ZNF780B: variants seen among roughly 807,000 people sequenced by gnomAD.
ZNF780B encodes zinc finger protein 780B.
A neutral mutation model predicts 74.1 loss-of-function variants in ZNF780B; 52 were observed. That is an observed-to-expected ratio of 0.70 (90% CI 0.56 to 0.88). The LOEUF is 0.88. ZNF780B is among the 40% of genes least tolerant of loss of function. The pLI is 0.00. For missense variants in ZNF780B, 953 were observed against 1,007.6 expected (o/e 0.95, Z 0.73); for synonymous variants, 315 against 324.3 (o/e 0.97, Z 0.31).
Position 40,032,001 on chromosome 19 carries a change from T to C in ZNF780B, c.*2356A>G. The C allele has an allele frequency of 2.2e-6, 1 of 447,750 alleles. No individual in the cohort carries two copies. Among genetic ancestry groups the C allele is most frequent in the Non-Finnish European group, 4.5e-6 (1 of 224,608 alleles). The allele number at this position is 447,750 out of a possible 1,614,324, so 27.7% of individuals were successfully genotyped here. A position where few individuals can be genotyped will look rare whatever the true frequency, so the allele number is the denominator to read the frequency against. The stretch of plus-strand genomic sequence containing the variant: ...TGACATAGAAATAACCTACAAAGTA[T>C]TCTTCCCCAAAACGTTTAATCTAGA... On this transcript the variant is annotated 3_prime_UTR_variant, in exon 5 of 5. Transcript: ENST00000434248.
chr19:40,040,009 C>T (rs1483269636), intron 4 of ZNF780B, among the ~76,000 whole-genome samples: 2 of 151,976 alleles, frequency 1.3e-5, no homozygotes, highest in South Asian at 4.2e-4. Flanking sequence ...GGGAATGCTT[C>T]CAGTTTTTGC....
At position 40,050,405 on chromosome 19, in the gene ZNF780B, C is replaced by G. The variant is rs532169837; in HGVS notation, c.-45-28G>C. The stretch of plus-strand genomic sequence containing the variant: ...GGAAAACAACAACAACAAAAAGGCC[C>G]TAAGTCAAGCTGTGTCCGAAAGCAC... On this transcript the variant is annotated intron_variant, in intron 1 of 4. Transcript: ENST00000434248. 58 of 1,544,434 alleles carry G rather than the reference C, an allele frequency of 3.8e-5. No homozygotes were observed. The African/African-American group carries it at 7.3e-4, about 20-fold the overall frequency.
Position 40,034,421 on chromosome 19 carries a change from T to C in ZNF780B, c.2438A>G (p.Asn813Ser). 4 of 1,614,036 alleles carry C rather than the reference T, an allele frequency of 2.5e-6. No homozygotes were observed. Among genetic ancestry groups the C allele is most frequent in the Non-Finnish European group, 3.4e-6 (4 of 1,179,934 alleles). Residue 813 changes from asparagine to serine, a missense_variant, in exon 5 of 5, where the codon AAT becomes AGT. Physicochemically the swap from Asn to Ser is conservative, Grantham distance 46. Transcript: ENST00000434248. ...ACTGATGTCTGAAGGCTGTCCCACA[T>C]TTCTTACATTCAAAGGGTTTCTCAC... is the stretch of plus-strand genomic sequence containing the variant. Reference protein sequence around the residue: ...VQVRNPLNVRNVGQPSDISSN... With the variant: ...VQVRNPLNVRSVGQPSDISSN...
At chr19:40,037,790 C>T (rs367606115) in intron 4 of ZNF780B, among the ~76,000 whole-genome samples, 5 of 152,190 alleles carry the variant, frequency 3.3e-5, no homozygotes, top group Non-Finnish European at 5.9e-5. Flanking sequence ...CATGATATAA[C>T]CTTTCTCTTA....
chr19:40,035,875 A>T lies in ZNF780B; in HGVS notation c.984T>A (p.Thr328=), dbSNP rs778933960. Reference sequence around the variant, plus strand: ...CTTTACATTCAAAGGGTTTCTCGCCAGTATGAATTCGGCAATGTTCAATGA... The same window carrying T: ...CTTTACATTCAAAGGGTTTCTCGCCTGTATGAATTCGGCAATGTTCAATGA... ...YQLIEHCRIH[T]GEKPFECKEC... is the part of the protein sequence containing the mutation. The change falls in exon 5 of 5, where the codon ACT becomes ACA. Residue 328 remains threonine, a synonymous_variant. Transcript: ENST00000434248. The T allele has an allele frequency of 3.1e-6, 5 of 1,613,750 alleles. No individual in the cohort carries two copies. The Admixed American group carries it at 8.3e-5, about 27-fold the overall frequency.
In ZNF780B at chr19:40,047,446, A is replaced by C. The variant is rs754799107; in HGVS notation, c.161T>G (p.Val54Gly). 1 of 1,613,068 alleles carries C rather than the reference A, an allele frequency of 6.2e-7. No homozygotes were observed. The highest frequency in any genetic ancestry group is 8.5e-7 in the Non-Finnish European group (1 of 1,179,444). The change falls in exon 4 of 5, where the codon GTG (valine) becomes GGG (glycine). Residue 54 changes from valine to glycine, a missense_variant. Val to Gly is a moderately radical substitution (Grantham distance 109). Coordinates refer to ENST00000434248, the MANE Select transcript of ZNF780B (RefSeq NM_001005851.3). ...SLGSSISKPD[V>G]ITLLEQEKEP... The stretch of plus-strand genomic sequence containing the variant: ...TTTCTCTTGCTCTAGTAATGTAATC[A>C]CATCTGGCTTAGAAATGGAACTTCC...
At chr19:40,042,327 C>T (rs1175251655) in intron 4 of ZNF780B, among the ~76,000 whole-genome samples, 1 of 152,254 alleles carries the variant, frequency 6.6e-6, no homozygotes, top group Non-Finnish European at 1.5e-5. Context: ...CTCTGGCTGC[C>T]CTTAACGTTT....
chr19:40,033,411 C>T lies in ZNF780B; in HGVS notation c.*946G>A, dbSNP rs1972081171. On this transcript the variant is annotated 3_prime_UTR_variant, in exon 5 of 5. Transcript: ENST00000434248. ...CAGTAAACTGTGAACATGGCAGCTA[C>T]TCTACATTCCTCACATCAGTAACTT... 1 of 154,770 alleles carries T rather than the reference C, an allele frequency of 6.5e-6. No homozygotes were observed. The highest frequency in any genetic ancestry group is 1.5e-5 in the Non-Finnish European group (1 of 68,240). 9.6% of individuals were successfully genotyped at this position (154,770 alleles called of 1,614,324 possible).
intron 4 of ZNF780B, among the ~76,000 whole-genome samples, chr19:40,037,877 C>CTTT (rs537508973): frequency 7.4e-6 from 1 of 135,274 alleles, no homozygotes; most frequent in African/African-American, 2.7e-5. Context: ...TCCAACTCCT[C>CTTT]TTTTTTTTTT....
rs553498158 is a variant in ZNF780B, at chr19:40,034,810, G to A, written c.2049C>T (p.Asn683=). ...ECGKGFSRVS[N]LIQHQKTHSS... ...AATGAGTTTTCTGATGCTGAATAAG[G>A]TTTGAAACACGACTAAAGCCTTTCC... The change falls in exon 5 of 5, where the codon AAC becomes AAT. Residue 683 remains asparagine, a synonymous_variant. Transcript: ENST00000434248. The A allele has an allele frequency of 6.2e-6, 10 of 1,611,748 alleles. No homozygotes were observed. The highest frequency in any genetic ancestry group is 1.7e-5 in the Admixed American group (1 of 59,772).
chr19:40,050,061 C>T lies in ZNF780B; in HGVS notation c.9+263G>A, dbSNP rs188792871. Among the ~76,000 whole-genome samples, 366 of 151,772 alleles carry T rather than the reference C, an allele frequency of 2.4e-3. 2 individuals are homozygous for T. Among genetic ancestry groups the T allele is most frequent in the African/African-American group, 8.5e-3 (353 of 41,364 alleles). On this transcript the variant is annotated intron_variant, in intron 2 of 4. Coordinates refer to ENST00000434248, the MANE Select transcript of ZNF780B (RefSeq NM_001005851.3). ...AAATACAAAAAATTAGCCAGGCGTGCTGGTGGGTGCCTGTAGTCCCAGCTA... is the reference window on the plus strand; with the variant it reads ...AAATACAAAAAATTAGCCAGGCGTGTTGGTGGGTGCCTGTAGTCCCAGCTA...
At chr19:40,055,202 G>T (rs915240911) in intron 1 of ZNF780B, among the ~76,000 whole-genome samples, 2 of 147,930 alleles carry the variant, frequency 1.4e-5, no homozygotes, top group East Asian at 4.3e-4. Flanking sequence ...GAGCGTACAG[G>T]AAGGTGTGAA....
rs561086156 is a variant in ZNF780B at position 40,029,820 on chromosome 19, A to C, written c.*4537T>G. On this transcript the variant is annotated 3_prime_UTR_variant, in exon 5 of 5. Transcript: ENST00000434248. ...AACATCCTCTTACGGCCTGAAAACA[A>C]TATTCCTTTAAAACATCAAAAGAAA... 6.6e-6 allele frequency: 1 copy of C among 152,306 alleles called. No homozygotes were observed. The highest frequency in any genetic ancestry group is 2.1e-4 in the South Asian group (1 of 4,834). 9.4% of individuals were successfully genotyped at this position (152,306 alleles called of 1,614,324 possible).
In ZNF780B at chr19:40,033,662, T is replaced by A. The variant is rs946708224; in HGVS notation, c.*695A>T. The A allele has an allele frequency of 6.5e-6, 1 of 154,800 alleles. No individual in the cohort carries two copies. The highest frequency in any genetic ancestry group is 1.5e-5 in the Non-Finnish European group (1 of 68,594). The allele number at this position is 154,800 out of a possible 1,614,324, so 9.6% of individuals were successfully genotyped here. ...ATTTTTCATACACAGTGAAGGCTTGTCTACACTCCTTATATTCATAAAACT... is the reference window on the plus strand; with the variant it reads ...ATTTTTCATACACAGTGAAGGCTTGACTACACTCCTTATATTCATAAAACT... On this transcript the variant is annotated 3_prime_UTR_variant, in exon 5 of 5. Transcript: ENST00000434248.
Position 40,031,595 on chromosome 19 carries a change from C to T in ZNF780B, c.*2762G>A, listed in dbSNP as rs1972003227. The T allele has an allele frequency of 6.5e-6, 1 of 153,098 alleles. No individual in the cohort carries two copies. The highest frequency in any genetic ancestry group is 6.5e-5 in the Admixed American group (1 of 15,416). 9.5% of individuals were successfully genotyped at this position (153,098 alleles called of 1,614,324 possible). The stretch of plus-strand genomic sequence containing the variant: ...CAAATTTTTATCAACAGCTCATGTA[C>T]CAGCCATGGTATAGGTGCTGGTGAT... On this transcript the variant is annotated 3_prime_UTR_variant, in exon 5 of 5. Coordinates refer to ENST00000434248, the MANE Select transcript of ZNF780B (RefSeq NM_001005851.3).
At chr19:40,044,035 G>T (rs1309561524) in intron 4 of ZNF780B, among the ~76,000 whole-genome samples, 1 of 152,068 alleles carries the variant, frequency 6.6e-6, no homozygotes, top group Non-Finnish European at 1.5e-5. Flanking sequence ...GTTCCTATTC[G>T]GCCATCTTGG....
intron 4 of ZNF780B, among the ~76,000 whole-genome samples, chr19:40,043,368 G>C (rs1366734994): frequency 6.6e-6 from 1 of 152,210 alleles, no homozygotes; most frequent in Admixed American, 6.5e-5. Flanking sequence ...CGGGGGTCAG[G>C]GAAACACTTG....
intron 4 of ZNF780B, among the ~76,000 whole-genome samples, chr19:40,041,935 T>C (rs907029232): frequency 2.0e-5 from 3 of 152,164 alleles, no homozygotes; most frequent in African/African-American, 4.8e-5. Flanking sequence ...ATGTGTGAAT[T>C]TGGTCCTGTA....
chr19:40,048,703 T>C lies in ZNF780B; in HGVS notation c.103A>G (p.Met35Val), dbSNP rs369376891. The C allele has an allele frequency of 6.2e-7, 1 of 1,613,994 alleles. No homozygotes were observed. The highest frequency in any genetic ancestry group is 1.3e-5 in the African/African-American group (1 of 74,888). ...PDQRTLYRDV[M>V]LENYSHLISL... ...ATCAGGTGGCTGTAGTTCTCCAACATCACATCCCTGTACAAGGTCCTCTGA... is the reference window on the plus strand; with the variant it reads ...ATCAGGTGGCTGTAGTTCTCCAACACCACATCCCTGTACAAGGTCCTCTGA... The change falls in exon 3 of 5, where the codon ATG becomes GTG. Residue 35 changes from methionine to valine, a missense_variant. Coordinates refer to ENST00000434248, the MANE Select transcript of ZNF780B (RefSeq NM_001005851.3).
Sources: gnomAD v4.1 joint callset for allele counts (sites outside exome capture counted in the v4.1 genomes callset) on GRCh38, gnomAD v4.1.1 for gene constraint, MANE v1.5 for transcripts, NCBI Gene and HGNC (gene_info 2026-07-23, HGNC 2026-07-21) for gene names.